DIAPH3: variants seen among roughly 807,000 people sequenced by gnomAD.
DIAPH3 encodes the protein diaphanous related formin 3.
DIAPH3 carries 117 observed loss-of-function variants against 144.3 expected under a neutral mutation model. The observed-to-expected ratio is 0.81, with a 90% CI of 0.70 to 0.95. The LOEUF (loss-of-function observed/expected upper bound fraction) is 0.95, where lower values mean the gene tolerates loss of function less well. DIAPH3 is among the 40% of genes least tolerant of loss of function. The probability of loss-of-function intolerance (pLI) is 0.00; values close to 1 mark genes in which losing one functional copy is unlikely to be tolerated. For missense variants in DIAPH3, 1,421 were observed against 1,412.7 expected (o/e 1.01, Z -0.09); for synonymous variants, 519 against 488.9 (o/e 1.06, Z -0.81).
In DIAPH3 at chr13:59,717,221, G is replaced by A. The variant is rs376553839; in HGVS notation, c.3320-50375C>T. Among the ~76,000 whole-genome samples, 16 of 152,268 alleles carry A rather than the reference G, an allele frequency of 1.1e-4. No homozygotes were observed. The East Asian group carries it at 2.3e-3, about 22-fold the overall frequency. On this transcript the variant is annotated intron_variant, in intron 27 of 27. Transcript: ENST00000400324. Reference sequence around the variant, plus strand: ...GAAGGAATTAAAAAATCATTAAAATGTTAAGAATTTATAAAACAGCAGTTA... The same window carrying A: ...GAAGGAATTAAAAAATCATTAAAATATTAAGAATTTATAAAACAGCAGTTA...
intron 5 of DIAPH3, among the ~76,000 whole-genome samples, chr13:60,032,859 C>T (rs1170469441): frequency 6.6e-6 from 1 of 152,228 alleles, no homozygotes; most frequent in African/African-American, 2.4e-5. Context: ...CATGGGCAGG[C>T]TGCAAATTTT....
chr13:59,792,101 T>C (rs1306401003), intron 25 of DIAPH3, among the ~76,000 whole-genome samples: 3 of 152,194 alleles, frequency 2.0e-5, no homozygotes, highest in Non-Finnish European at 4.4e-5. Flanking sequence ...GTTCTCTTAA[T>C]TGAAAATGGG....
intron 22 of DIAPH3, among the ~76,000 whole-genome samples, chr13:59,842,827 T>C (rs1229732557): frequency 6.6e-6 from 1 of 152,122 alleles, no homozygotes; most frequent in Non-Finnish European, 1.5e-5. Flanking sequence ...GGACAAGGAA[T>C]GGTGGGACGG....
In DIAPH3 at chr13:59,833,148, C is replaced by A; in HGVS notation, c.2986G>T (p.Asp996Tyr). The A allele has an allele frequency of 6.2e-7, 1 of 1,610,782 alleles. No individual in the cohort carries two copies. The highest frequency in any genetic ancestry group is 1.1e-5 in the South Asian group (1 of 90,868). Residue 996 changes from aspartate to tyrosine, a missense_variant, in exon 24 of 28, where the codon GAC becomes TAC. Coordinates refer to ENST00000400324, the MANE Select transcript of DIAPH3 (RefSeq NM_001042517.2). ...AIDVKKVSVE[D>Y]FLTDLNNFRT... Reference sequence around the variant, plus strand: ...AAGTTATTCAGGTCAGTAAGAAAGTCTTCCACAGACACCTTCTTCACATCA... The same window carrying A: ...AAGTTATTCAGGTCAGTAAGAAAGTATTCCACAGACACCTTCTTCACATCA...
At position 60,015,955 on chromosome 13, in the gene DIAPH3, T is replaced by G; in HGVS notation, c.729A>C (p.Gln243His). Reference protein sequence around the residue: ...KIQEKVVKKNQHKVIQCLKAL... With the variant: ...KIQEKVVKKNHHKVIQCLKAL... ...CTTTTAGACACTGTATGACTTTATG[T>G]TGATTTTTCTTTACAACTTTTTCTT... is the stretch of plus-strand genomic sequence containing the variant. The change falls in exon 7 of 28, where the codon CAA becomes CAC. Residue 243 changes from glutamine to histidine, a missense_variant. Gln to His is a conservative substitution (Grantham distance 24). Transcript: ENST00000400324. 6.2e-7 allele frequency: 1 copy of G among 1,613,466 alleles called. No homozygotes were observed. Among genetic ancestry groups the G allele is most frequent in the Middle Eastern group, 1.7e-4 (1 of 5,956 alleles).
chr13:59,772,665 C>G (rs756120795), intron 27 of DIAPH3, among the ~76,000 whole-genome samples: 14 of 152,028 alleles, frequency 9.2e-5, no homozygotes, highest in Non-Finnish European at 1.8e-4. Flanking sequence ...ACAAAGTTAT[C>G]TGAACTAATT....
intron 19 of DIAPH3, among the ~76,000 whole-genome samples, chr13:59,915,374 T>C (rs954321018): frequency 3.9e-5 from 6 of 152,152 alleles, no homozygotes; most frequent in Non-Finnish European, 7.4e-5. Flanking sequence ...ATATCATTTA[T>C]TGATTAGTTA....
intron 1 of DIAPH3, among the ~76,000 whole-genome samples, chr13:60,160,881 T>C (rs1952258840): frequency 6.6e-6 from 1 of 152,260 alleles, no homozygotes; most frequent in African/African-American, 2.4e-5. Context: ...TACTTATCTA[T>C]GGGAAGAGAT....
chr13:59,922,843 T>C (rs1217525705), intron 18 of DIAPH3, among the ~76,000 whole-genome samples: 2 of 152,094 alleles, frequency 1.3e-5, no homozygotes, highest in African/African-American at 4.8e-5. Flanking sequence ...ACAGGATCTT[T>C]CTCCATAAAA....
chr13:60,096,503 T>C (rs1455490701), intron 3 of DIAPH3, among the ~76,000 whole-genome samples: 1 of 152,236 alleles, frequency 6.6e-6, no homozygotes, highest in African/African-American at 2.4e-5. Flanking sequence ...TAGGTTAGAC[T>C]TCTGGCTTAA....
chr13:59,859,394 T>C (rs1348103750), intron 22 of DIAPH3, among the ~76,000 whole-genome samples: 2 of 152,146 alleles, frequency 1.3e-5, no homozygotes, highest in Non-Finnish European at 2.9e-5. Context: ...GTTACAGTTC[T>C]GCAAGTCCTT....
rs1187856280 is a variant in DIAPH3, at chr13:59,774,226, T to G, written c.3282A>C (p.Pro1094=). The G allele has an allele frequency of 1.2e-6, 2 of 1,613,234 alleles. No homozygotes were observed. Among genetic ancestry groups the G allele is most frequent in the Admixed American group, 1.7e-5 (1 of 59,976 alleles). ...MPKDVRQSLS[P]MSQRPVLKVC... is the part of the protein sequence containing the mutation. ...CTTTCAGAACAGGCCTCTGAGACAT[T>G]GGACTGAGACTCTGCCGAACATCTG... Residue 1094 remains proline, a synonymous_variant, in exon 27 of 28, where the codon CCA becomes CCC. Transcript: ENST00000400324.
At chr13:59,814,279 C>G (rs1290496361) in intron 24 of DIAPH3, among the ~76,000 whole-genome samples, 4 of 152,072 alleles carry the variant, frequency 2.6e-5, no homozygotes, top group Non-Finnish European at 5.9e-5. Flanking sequence ...TTTCCAAGAC[C>G]TATAAAACAA....
chr13:59,723,684 C>T (rs867867397), intron 27 of DIAPH3, among the ~76,000 whole-genome samples: 34 of 151,812 alleles, frequency 2.2e-4, no homozygotes, highest in African/African-American at 6.3e-4. Flanking sequence ...AATCTCGGCT[C>T]GCTGCAATCT....
chr13:59,792,482 C>G (rs557167904), intron 25 of DIAPH3, among the ~76,000 whole-genome samples: 1 of 152,288 alleles, frequency 6.6e-6, no homozygotes, highest in African/African-American at 2.4e-5. Flanking sequence ...AATCCAACAC[C>G]AGGTCCTAAG....
intron 25 of DIAPH3, among the ~76,000 whole-genome samples, chr13:59,779,351 T>C (rs139628774): frequency 8.5e-5 from 13 of 152,218 alleles, no homozygotes; most frequent in Middle Eastern, 3.4e-3. Context: ...AATGAGATAA[T>C]ACAAATGAAA....
intron 25 of DIAPH3, among the ~76,000 whole-genome samples, chr13:59,776,945 C>T (rs929482745): frequency 4.1e-5 from 6 of 145,286 alleles, no homozygotes; most frequent in Non-Finnish European, 9.0e-5. Context: ...AACAAACAAA[C>T]AAACAAAAAA....
At chr13:60,031,732 CTTT>C (rs1165739891) in intron 5 of DIAPH3, among the ~76,000 whole-genome samples, 2 of 64,678 alleles carry the variant, frequency 3.1e-5, no homozygotes, top group African/African-American at 6.6e-5. Context: ...GTCATTAAAT[CTTT>C]TTTTTTTTTT....
At chr13:59,815,971 TC>T (rs1209017742) in intron 24 of DIAPH3, among the ~76,000 whole-genome samples, 2 of 152,130 alleles carry the variant, frequency 1.3e-5, no homozygotes, top group Non-Finnish European at 2.9e-5. Context: ...TTCCTTTGAC[TC>T]CTTTCCTACT....
Sources: gnomAD v4.1 joint callset for allele counts (sites outside exome capture counted in the v4.1 genomes callset) on GRCh38, gnomAD v4.1.1 for gene constraint, MANE v1.5 for transcripts, NCBI Gene and HGNC (gene_info 2026-07-23, HGNC 2026-07-21) for gene names.